Variants in NPTN observed in about 807,000 individuals in gnomAD.
The protein encoded by NPTN is neuroplastin.
Under a neutral mutation model 42.7 loss-of-function variants are expected in NPTN, and 5 were observed. The observed-to-expected ratio is 0.12, with a 90% CI of 0.06 to 0.25. The LOEUF (loss-of-function observed/expected upper bound fraction) is 0.25, where lower values mean the gene tolerates loss of function less well. Among genes scored for constraint, NPTN ranks in the 10% least tolerant of loss-of-function variants. The pLI, the probability that NPTN is intolerant of heterozygous loss-of-function variation, is 1.00. For missense variants in NPTN, 307 were observed against 525.4 expected (o/e 0.58, Z 4.06); for synonymous variants, 180 against 201.9 (o/e 0.89, Z 0.92).
At chr15:73,609,388 T>A (rs1897449215) in intron 1 of NPTN, among the ~76,000 whole-genome samples, 1 of 152,150 alleles carries the variant, frequency 6.6e-6, no homozygotes, top group South Asian at 2.1e-4. Context: ...CCCAGCGCTT[T>A]GGGAGGCCAA....
chr15:73,564,495 T>C (rs191747017), intron 6 of NPTN, among the ~76,000 whole-genome samples: 65 of 152,204 alleles, frequency 4.3e-4, no homozygotes, highest in Admixed American at 3.3e-3. Flanking sequence ...AAAAAAGAAC[T>C]AACCACAAAC....
Position 73,568,499 on chromosome 15 carries a change from G to A in NPTN, c.1114+1651C>T, listed in dbSNP as rs971318048. On this transcript the variant is annotated intron_variant, in intron 6 of 8. Transcript: ENST00000345330. ...CACAGAGCCAAAGCTGAAAACACAC[G>A]AAAGACAGGCAACTCTTTCCCTTTA... The A allele has an allele frequency of 1.2e-5, 12 of 985,182 alleles. No homozygotes were observed. The Admixed American group carries it at 1.8e-4, about 15-fold the overall frequency. 61.0% of individuals were successfully genotyped at this position (985,182 alleles called of 1,614,324 possible).
chr15:73,591,881 G>T, intron 3 of NPTN, 85 bp downstream of exon 3: 2 of 1,324,814 alleles, frequency 1.5e-6, no homozygotes, highest in Non-Finnish European at 2.1e-6. Flanking sequence ...TGTCCCTTCT[G>T]CATGGCGCAA....
intron 6 of NPTN, among the ~76,000 whole-genome samples, chr15:73,564,968 C>T (rs1374362805): frequency 6.6e-6 from 1 of 152,172 alleles, no homozygotes; most frequent in African/African-American, 2.4e-5. Context: ...CAAAGCATGA[C>T]ACTGTAGGCA....
rs1169100759 is a variant in NPTN at position 73,620,350 on chromosome 15, AT to A, written c.91+12774del. Reference sequence around the variant, plus strand: ...ATAGTCCTAGGGACTAAGTACTATAATCCTACCTCAGAGGACACTTACAAGT... The same window carrying A: ...ATAGTCCTAGGGACTAAGTACTATAACCTACCTCAGAGGACACTTACAAGT... On this transcript the variant is annotated intron_variant, in intron 1 of 8. Transcript: ENST00000345330. Among the ~76,000 whole-genome samples, 4 of 152,176 alleles carry A rather than the reference AT, an allele frequency of 2.6e-5. No homozygotes were observed. The South Asian group carries it at 6.2e-4, about 24-fold the overall frequency.
rs143452610 is a variant in NPTN at position 73,569,032 on chromosome 15, T to A, written c.1114+1118A>T. 231 of 985,484 alleles carry A rather than the reference T, an allele frequency of 2.3e-4. 1 individual carries two copies. The African/African-American group carries it at 3.7e-3, about 16-fold the overall frequency. 61.0% of individuals were successfully genotyped at this position (985,484 alleles called of 1,614,324 possible). On this transcript the variant is annotated intron_variant, in intron 6 of 8. Transcript: ENST00000345330. The surrounding 1 kb of genome is among the most constrained non-coding windows in gnomAD (Gnocchi z 4.1). ...GGACAGCCAGCTCTGTGGGGCAGGA[T>A]ACAGCACCACAGGTGCACAAACACA... is the stretch of plus-strand genomic sequence containing the variant.
intron 5 of NPTN, among the ~76,000 whole-genome samples, 176 bp downstream of exon 5, chr15:73,573,486 G>A (rs188795039): frequency 1.3e-3 from 204 of 152,280 alleles, no homozygotes; most frequent in Non-Finnish European, 1.7e-3. Context: ...GGATTTTTGT[G>A]CTGGAAGAGA....
intron 4 of NPTN, among the ~76,000 whole-genome samples, chr15:73,585,786 C>T (rs760098227): frequency 2.6e-5 from 4 of 152,240 alleles, no homozygotes; most frequent in African/African-American, 9.6e-5. Flanking sequence ...TCACCTTCCA[C>T]ACAGGGCTAT....
intron 1 of NPTN, among the ~76,000 whole-genome samples, chr15:73,606,416 C>A (rs1054326894): frequency 6.6e-6 from 1 of 152,056 alleles, no homozygotes; most frequent in Admixed American, 6.5e-5. Flanking sequence ...GCTGCTGGTC[C>A]CTAAGAGAAA....
intron 5 of NPTN, among the ~76,000 whole-genome samples, chr15:73,572,547 G>A (rs150345312): frequency 6.6e-6 from 1 of 151,550 alleles, no homozygotes; most frequent in Non-Finnish European, 1.5e-5. Flanking sequence ...AGGTTGCCCC[G>A]ATTCCTTATC....
chr15:73,627,060 CTCCATTTCTACTAAAAA>C (rs1898455233), intron 1 of NPTN, among the ~76,000 whole-genome samples: 1 of 152,176 alleles, frequency 6.6e-6, no homozygotes, highest in Non-Finnish European at 1.5e-5. Flanking sequence ...CATGGCGAAA[CTCCATTTCTACTAAAAA>C]TCCAAAAATT....
chr15:73,580,410 A>T (rs958012263), intron 4 of NPTN, among the ~76,000 whole-genome samples: 71 of 100,720 alleles, frequency 7.0e-4, no homozygotes, highest in East Asian at 2.4e-3. Flanking sequence ...TTATATATAT[A>T]ATATATATAT....
At chr15:73,591,944 A>G (rs763714877) in intron 3 of NPTN, 22 bp downstream of exon 3, 3 of 1,594,510 alleles carry the variant, frequency 1.9e-6, no homozygotes, top group Non-Finnish European at 2.6e-6. Flanking sequence ...CCACCTTCCC[A>G]GGAGCTGCCC....
intron 1 of NPTN, among the ~76,000 whole-genome samples, chr15:73,627,274 G>T (rs1039268763): frequency 2.0e-5 from 3 of 152,110 alleles, no homozygotes; most frequent in African/African-American, 7.2e-5. Flanking sequence ...ATACCATAAA[G>T]TATATCATAA....
Position 73,583,238 on chromosome 15 carries a change from G to A in NPTN, c.706+4286C>T, listed in dbSNP as rs959973559. Among the ~76,000 whole-genome samples, 6 of 152,318 alleles carry A rather than the reference G, an allele frequency of 3.9e-5. No individual in the cohort carries two copies. In the East Asian group the frequency reaches 9.7e-4, roughly 25 times the overall value. On this transcript the variant is annotated intron_variant, in intron 4 of 8. Transcript: ENST00000345330. Reference sequence around the variant, plus strand: ...TCACTGTGTTTAATGGCAGGACCACGATTAGAACACATTTCTCCTAACTCT... The same window carrying A: ...TCACTGTGTTTAATGGCAGGACCACAATTAGAACACATTTCTCCTAACTCT...
At chr15:73,572,529 G>A (rs1895467736) in intron 5 of NPTN, among the ~76,000 whole-genome samples, 6 of 152,086 alleles carry the variant, frequency 3.9e-5, no homozygotes, top group Non-Finnish European at 8.8e-5. Flanking sequence ...CTGCCCTTGG[G>A]CCTCCTCAGG....
At chr15:73,564,501 C>A (rs570735117) in intron 6 of NPTN, among the ~76,000 whole-genome samples, 2 of 152,330 alleles carry the variant, frequency 1.3e-5, no homozygotes, top group East Asian at 3.9e-4. Context: ...GAACTAACCA[C>A]AAACCAATGA....
chr15:73,563,100 C>G (rs771761025), intron 7 of NPTN, 136 bp downstream of exon 7: 3 of 670,252 alleles, frequency 4.5e-6, no homozygotes, highest in Non-Finnish European at 7.9e-6. Context: ...CTGTGTCAAG[C>G]TAAGAAATCT....
rs548138987 is a variant in NPTN at position 73,613,905 on chromosome 15, C to G, written c.92-16536G>C. Among the ~76,000 whole-genome samples the G allele has an allele frequency of 1.6e-4, 24 of 152,188 alleles. No homozygotes were observed. The East Asian group carries it at 4.5e-3, about 28-fold the overall frequency. Reference sequence around the variant, plus strand: ...TTCACCATGTTGGCCAGGCTGGTCTCGAACTCTTGACCTTGAGTGATCTGC... The same window carrying G: ...TTCACCATGTTGGCCAGGCTGGTCTGGAACTCTTGACCTTGAGTGATCTGC... On this transcript the variant is annotated intron_variant, in intron 1 of 8. Transcript: ENST00000345330.
Sources: allele counts gnomAD v4.1 joint callset (sites outside exome capture counted in the v4.1 genomes callset), GRCh38; gene constraint gnomAD v4.1.1; non-coding constraint Gnocchi (gnomAD v3.1); transcripts MANE v1.5; gene names NCBI Gene and HGNC (gene_info 2026-07-23, HGNC 2026-07-21).